Variants in ANXA11 observed in about 807,000 individuals in gnomAD.
The protein encoded by ANXA11 is 56 kDa autoantigen.
A neutral mutation model predicts 64.7 loss-of-function variants in ANXA11; 57 were observed. The observed-to-expected ratio is 0.88, with a 90% CI of 0.71 to 1.10. ANXA11 has a LOEUF of 1.10. Ranked by LOEUF, ANXA11 falls within the 50% of genes least tolerant of loss-of-function variation. The pLI is 0.00. For synonymous variants in ANXA11, 260 were observed against 265.2 expected (o/e 0.98, Z 0.19); for missense variants, 675 against 670.7 (o/e 1.01, Z -0.07).
At chr10:80,177,868 C>T (rs1283803490) in intron 1 of ANXA11, among the ~76,000 whole-genome samples, 4 of 152,196 alleles carry the variant, frequency 2.6e-5, no homozygotes, top group Non-Finnish European at 4.4e-5. Context: ...AGGCTCCCAG[C>T]GCTGACCAAT....
chr10:80,202,873 C>A (rs1380194212), intron 1 of ANXA11, among the ~76,000 whole-genome samples: 1 of 151,762 alleles, frequency 6.6e-6, no homozygotes, highest in Non-Finnish European at 1.5e-5. Flanking sequence ...TGGTGAAGCC[C>A]CGTCTCTACT....
At chr10:80,191,288 A>C (rs1354161399) in intron 1 of ANXA11, among the ~76,000 whole-genome samples, 1 of 152,088 alleles carries the variant, frequency 6.6e-6, no homozygotes, top group Non-Finnish European at 1.5e-5. Flanking sequence ...CTGTAGTCCC[A>C]GCTACTCAGG....
At position 80,158,030 on chromosome 10, in the gene ANXA11, A is replaced by G; in HGVS notation, c.1277-5T>C. ...GGGTATTCTTGAGACATTTCACTAG[A>G]AGAGAGAAACTCGGCATAACCAGAT... On this transcript the variant is annotated splice_polypyrimidine_tract_variant and splice_region_variant and intron_variant, in intron 13 of 15. Transcript: ENST00000422982. 6.2e-7 allele frequency: 1 copy of G among 1,613,970 alleles called. No homozygotes were observed. Among genetic ancestry groups the G allele is most frequent in the South Asian group, 1.1e-5 (1 of 91,078 alleles).
chr10:80,170,851 A>G lies in ANXA11; in HGVS notation c.120T>C (p.Asp40=). The change falls in exon 4 of 16, where the codon GAT becomes GAC. Residue 40 remains aspartate, a synonymous_variant. Transcript: ENST00000422982. ...PPPSMPPIGL[D]NVATYAGQFN... ...ACTGCCCCGCATAGGTGGCCACGTT[A>G]TCCAGCCCGATGGGGGGCATGCTGG... is the stretch of plus-strand genomic sequence containing the variant. The G allele has an allele frequency of 6.5e-7, 1 of 1,527,406 alleles. No individual in the cohort carries two copies. The highest frequency in any genetic ancestry group is 8.8e-7 in the Non-Finnish European group (1 of 1,142,624). 94.6% of individuals were successfully genotyped at this position (1,527,406 alleles called of 1,614,324 possible).
At chr10:80,172,932 C>T in intron 2 of ANXA11, 63 bp from the exon 3 acceptor site, 1 of 1,498,280 alleles carries the variant, frequency 6.7e-7, no homozygotes, top group Non-Finnish European at 9.2e-7. Context: ...CCCGTGGGAC[C>T]CAGCTTCTTG....
Position 80,155,678 on chromosome 10 carries a change from C to G in ANXA11, c.*175G>C, listed in dbSNP as rs138435504. ...AAGGCATCCTGAGAGAGTTCTAGACCGACCCAGGTCCTGTGGCACACTATA... is the reference window on the plus strand; with the variant it reads ...AAGGCATCCTGAGAGAGTTCTAGACGGACCCAGGTCCTGTGGCACACTATA... On this transcript the variant is annotated 3_prime_UTR_variant, in exon 16 of 16. Coordinates refer to ENST00000422982, the MANE Select transcript of ANXA11 (RefSeq NM_145868.2). 7.6e-6 allele frequency: 5 copies of G among 661,742 alleles called. No individual in the cohort carries two copies. In the African/African-American group the frequency reaches 9.0e-5, roughly 12 times the overall value. 41.0% of individuals were successfully genotyped at this position (661,742 alleles called of 1,614,324 possible).
chr10:80,178,762 G>A (rs938662890), intron 1 of ANXA11, among the ~76,000 whole-genome samples: 3 of 152,204 alleles, frequency 2.0e-5, no homozygotes, highest in African/African-American at 7.2e-5. Context: ...CCTGCCTGCA[G>A]GCCACACTGC....
intron 8 of ANXA11, 42 bp downstream of exon 8, chr10:80,166,042 G>GTGCGCACACACACA: frequency 2.2e-6 from 1 of 450,722 alleles, no homozygotes; most frequent in Non-Finnish European, 3.8e-6. Context: ...ACACACGCGC[G>GTGCGCACACACACA]CACACACACA....
At chr10:80,191,860 G>T (rs1056667153) in intron 1 of ANXA11, among the ~76,000 whole-genome samples, 1 of 152,150 alleles carries the variant, frequency 6.6e-6, no homozygotes, top group Non-Finnish European at 1.5e-5. Flanking sequence ...CCTCAGAGAC[G>T]ACTCAGTTCA....
intron 1 of ANXA11, among the ~76,000 whole-genome samples, chr10:80,178,040 A>G (rs2132442986): frequency 6.6e-6 from 1 of 152,194 alleles, no homozygotes; most frequent in South Asian, 2.1e-4. Flanking sequence ...CATTTTTTCA[A>G]AAGAGGCTAC....
At chr10:80,180,400 G>C (rs953866361) in intron 1 of ANXA11, among the ~76,000 whole-genome samples, 1 of 152,264 alleles carries the variant, frequency 6.6e-6, no homozygotes, top group Middle Eastern at 3.4e-3. Context: ...CTGGGACTCT[G>C]GACTGTCCTC....
Position 80,151,814 on chromosome 10 carries a change from T to G in ANXA11, c.*4039A>C, listed in dbSNP as rs1297101467. The G allele has an allele frequency of 6.6e-6, 1 of 152,210 alleles. No homozygotes were observed. The highest frequency in any genetic ancestry group is 1.5e-5 in the Non-Finnish European group (1 of 68,030). 9.4% of individuals were successfully genotyped at this position (152,210 alleles called of 1,614,324 possible). A position where few individuals can be genotyped will look rare whatever the true frequency, so the allele number is the denominator to read the frequency against. On this transcript the variant is annotated 3_prime_UTR_variant, in exon 16 of 16. Coordinates refer to ENST00000422982, the MANE Select transcript of ANXA11 (RefSeq NM_145868.2). ...CTGTGTGAGCACAGTAGTATTTAGA[T>G]AAGCGTTAGATTACAGCAGGTTACA...
At chr10:80,170,964 C>G in intron 3 of ANXA11, 49 bp from the exon 4 acceptor site, 1 of 1,549,596 alleles carries the variant, frequency 6.5e-7, no homozygotes, top group Non-Finnish European at 8.7e-7. Flanking sequence ...CCCCACCACA[C>G]GGGGAAAGGC....
At chr10:80,176,795 C>T (rs1337404062) in intron 1 of ANXA11, among the ~76,000 whole-genome samples, 1 of 152,186 alleles carries the variant, frequency 6.6e-6, no homozygotes, top group East Asian at 1.9e-4. Context: ...AAATCTGCCT[C>T]CTGGCTAGGA....
intron 2 of ANXA11, 200 bp from the exon 3 acceptor site, chr10:80,173,069 G>A: frequency 3.6e-6 from 2 of 551,902 alleles, no homozygotes; most frequent in South Asian, 4.3e-5. Context: ...CCAGCATGCT[G>A]CCTGACTTCT....
intron 2 of ANXA11, among the ~76,000 whole-genome samples, chr10:80,174,439 G>C (rs1846094043): frequency 6.6e-6 from 1 of 151,770 alleles, no homozygotes; most frequent in African/African-American, 2.4e-5. Flanking sequence ...ATCATGTCTG[G>C]CTAATTTTTG....
intron 1 of ANXA11, among the ~76,000 whole-genome samples, chr10:80,192,828 T>C (rs1342684230): frequency 6.6e-6 from 1 of 152,182 alleles, no homozygotes; most frequent in Non-Finnish European, 1.5e-5. Flanking sequence ...GATATTTCTA[T>C]CCATTAGGGA....
At chr10:80,201,777 C>A (rs1049239242) in intron 1 of ANXA11, among the ~76,000 whole-genome samples, 1 of 152,154 alleles carries the variant, frequency 6.6e-6, no homozygotes, top group Non-Finnish European at 1.5e-5. Context: ...CACTGTCACA[C>A]GCACCCTTTC....
At chr10:80,202,810 C>G (rs531568189) in intron 1 of ANXA11, among the ~76,000 whole-genome samples, 2 of 152,086 alleles carry the variant, frequency 1.3e-5, no homozygotes, top group Non-Finnish European at 2.9e-5. Flanking sequence ...CTTTGGGAGA[C>G]TGAGGCAGGC....
Sources: allele counts gnomAD v4.1 joint callset (sites outside exome capture counted in the v4.1 genomes callset), GRCh38; gene constraint gnomAD v4.1.1; transcripts MANE v1.5; gene names NCBI Gene and HGNC (gene_info 2026-07-23, HGNC 2026-07-21).